SGCD: variants seen among roughly 807,000 people sequenced by gnomAD.
SGCD encodes delta-sarcoglycan.
Under a neutral mutation model 36.6 loss-of-function variants are expected in SGCD, and 18 were observed. The observed-to-expected ratio is 0.49, with a 90% confidence interval of 0.34 to 0.73. The LOEUF (loss-of-function observed/expected upper bound fraction) is 0.73. Among genes scored for constraint, SGCD ranks in the 30% least tolerant of loss-of-function variants. SGCD has a pLI of 0.01. For synonymous variants in SGCD, 133 were observed against 130.6 expected, an observed-to-expected ratio of 1.02 and a Z score of -0.12; for missense variants, 387 against 346.7, an observed-to-expected ratio of 1.12 and a Z score of -0.92.
chr5:156,053,522 A>C (rs113638835), intron 1 of SGCD, among the ~76,000 whole-genome samples: 1,719 of 146,356 alleles, frequency 0.012, 153 homozygotes, highest in African/African-American at 0.041. Flanking sequence ...ATTAGAAGAT[A>C]AAATTAAGAA....
At chr5:156,463,733 G>C (rs1754598956) in intron 3 of SGCD, among the ~76,000 whole-genome samples, 1 of 152,136 alleles carries the variant, frequency 6.6e-6, no homozygotes, top group Non-Finnish European at 1.5e-5. Context: ...GGTGGTGCGT[G>C]CTAGTAATCC....
chr5:155,979,893 C>G (rs1157276094), intron 1 of SGCD, among the ~76,000 whole-genome samples: 1 of 152,156 alleles, frequency 6.6e-6, no homozygotes, highest in Non-Finnish European at 1.5e-5. Context: ...ATGTCCTCTC[C>G]ACATTCATAT....
the SGCD span, among the ~76,000 whole-genome samples, chr5:155,764,599 C>T: frequency 7.2e-5 from 11 of 152,224 alleles, no homozygotes; most frequent in South Asian, 2.3e-3. Flanking sequence ...CTGCTGGAGC[C>T]CATTGAAAAC....
the SGCD span, among the ~76,000 whole-genome samples, chr5:155,779,253 AC>A: frequency 0.047 from 7,228 of 152,186 alleles, 224 homozygotes; most frequent in Middle Eastern, 0.14. Flanking sequence ...AGCCTGAGCA[AC>A]ATGGCAAAAC....
intron 3 of SGCD, among the ~76,000 whole-genome samples, chr5:156,272,833 T>C (rs1344965110): frequency 6.6e-6 from 1 of 152,220 alleles, no homozygotes; most frequent in South Asian, 2.1e-4. Context: ...TCTTTTTGGC[T>C]TTGTTTGAAA....
At chr5:155,928,428 G>T (rs1391195950) in intron 1 of SGCD, among the ~76,000 whole-genome samples, 4 of 152,086 alleles carry the variant, frequency 2.6e-5, no homozygotes, top group Admixed American at 2.0e-4. Context: ...AACACTTTGG[G>T]AGGCCAGGGT....
intron 1 of SGCD, among the ~76,000 whole-genome samples, chr5:156,070,990 T>C (rs1013800121): frequency 7.9e-5 from 12 of 152,138 alleles, no homozygotes; most frequent in Non-Finnish European, 1.8e-4. Flanking sequence ...CCCTTTATCA[T>C]TTTTTATTGC....
At chr5:156,214,647 T>C (rs1764528584) in intron 3 of SGCD, among the ~76,000 whole-genome samples, 1 of 151,992 alleles carries the variant, frequency 6.6e-6, no homozygotes, top group Non-Finnish European at 1.5e-5. Flanking sequence ...CAAAGCAATC[T>C]TGAACAAAAA....
In SGCD at chr5:156,294,016, G is replaced by A. The variant is rs79776780; in HGVS notation, c.-43-35518G>A. ...GTCTTTTTAAATTTCTTTCAGAATC[G>A]ATTTGTAGTTTTCATTGTAGAAATA... On this transcript the variant is annotated intron_variant, in intron 3 of 9. Transcript: ENST00000517913. Among the ~76,000 whole-genome samples the A allele has an allele frequency of 1.4e-3, 212 of 152,022 alleles. 6 individuals are homozygous for A. The East Asian group carries it at 0.034, about 24-fold the overall frequency.
At chr5:156,058,760 A>T (rs1345641483) in intron 1 of SGCD, among the ~76,000 whole-genome samples, 1 of 146,288 alleles carries the variant, frequency 6.8e-6, no homozygotes, top group African/African-American at 2.5e-5. Flanking sequence ...TTTTATAAAG[A>T]TATATAATGG....
At chr5:155,919,691 G>A (rs985093503) in intron 1 of SGCD, among the ~76,000 whole-genome samples, 2 of 152,138 alleles carry the variant, frequency 1.3e-5, no homozygotes, top group African/African-American at 4.8e-5. Flanking sequence ...ACCCTTGGAA[G>A]GATGAGAAAC....
intron 3 of SGCD, among the ~76,000 whole-genome samples, chr5:156,427,400 A>G (rs1418203841): frequency 6.6e-6 from 1 of 151,934 alleles, no homozygotes; most frequent in African/African-American, 2.4e-5. Flanking sequence ...GTATGCTGAG[A>G]TTTTGCTGAA....
At chr5:156,732,246 T>A (rs1756116779) in intron 7 of SGCD, among the ~76,000 whole-genome samples, 1 of 152,176 alleles carries the variant, frequency 6.6e-6, no homozygotes, top group Non-Finnish European at 1.5e-5. Flanking sequence ...TACTTCCAGC[T>A]TTTGCCCATT....
intron 1 of SGCD, among the ~76,000 whole-genome samples, chr5:156,111,631 G>C (rs1240435709): frequency 1.3e-5 from 2 of 151,692 alleles, no homozygotes; most frequent in Admixed American, 1.3e-4. Flanking sequence ...CCATATGAGA[G>C]GCCCTGATGT....
chr5:156,014,591 C>T (rs1303733896), intron 1 of SGCD, among the ~76,000 whole-genome samples: 1 of 152,130 alleles, frequency 6.6e-6, no homozygotes, highest in African/African-American at 2.4e-5. Flanking sequence ...AATTTATCAA[C>T]CTCAGGAAAC....
intron 1 of SGCD, among the ~76,000 whole-genome samples, chr5:156,060,224 A>G (rs1351779511): frequency 6.8e-6 from 1 of 146,428 alleles, no homozygotes; most frequent in Admixed American, 6.9e-5. Context: ...GTAAGTGTAG[A>G]GGAGAAATGT....
At chr5:156,532,604 G>T (rs1317458260) in intron 4 of SGCD, among the ~76,000 whole-genome samples, 1 of 152,060 alleles carries the variant, frequency 6.6e-6, no homozygotes, top group Non-Finnish European at 1.5e-5. Flanking sequence ...AGAACCACAG[G>T]CACCCACCAC....
intron 1 of SGCD, among the ~76,000 whole-genome samples, chr5:156,081,044 C>T (rs761950336): frequency 3.9e-5 from 6 of 152,124 alleles, no homozygotes; most frequent in Non-Finnish European, 8.8e-5. Flanking sequence ...TTCATTGGCT[C>T]ATGGTTCTAT....
chr5:156,085,481 A>G (rs2127592668), intron 1 of SGCD, among the ~76,000 whole-genome samples: 1 of 152,252 alleles, frequency 6.6e-6, no homozygotes, highest in East Asian at 1.9e-4. Context: ...TGCTGTGAGT[A>G]AAAGCTCCCT....
Sources: gnomAD v4.1 joint callset for allele counts (sites outside exome capture counted in the v4.1 genomes callset) on GRCh38, gnomAD v4.1.1 for gene constraint, MANE v1.5 for transcripts, NCBI Gene and HGNC (gene_info 2026-07-23, HGNC 2026-07-21) for gene names.